LRBA: variants seen among roughly 807,000 people sequenced by gnomAD.
LRBA encodes the protein LPS responsive beige-like anchor protein, also known as lipopolysaccharide-responsive and beige-like anchor protein.
In LRBA, 176 loss-of-function variants were observed where a neutral mutation model predicts 330.0. The ratio of observed to expected loss-of-function variants is 0.53; its 90% CI spans 0.47 to 0.60. LRBA has a LOEUF of 0.60. Among genes scored for constraint, LRBA ranks in the 20% least tolerant of loss-of-function variants. The pLI is 0.00. For missense variants in LRBA, 3,259 were observed against 3,444.8 expected (o/e 0.95, Z 1.35); for synonymous variants, 1,230 against 1,193.0 (o/e 1.03, Z -0.64).
chr4:150,349,896 C>A, intron 48 of LRBA, 96 bp downstream of exon 48: 1 of 1,058,292 alleles, frequency 9.4e-7, no homozygotes, highest in African/African-American at 1.6e-5. Context: ...TCACTTTCTT[C>A]ATCACTAAAA....
rs550181104 is a variant in LRBA at position 150,590,815 on chromosome 4, T to C, written c.6091A>G (p.Ser2031Gly). ...GAGTTCTGATTTCCTAAAGCCTGAC[T>C]CCTGATGGACTGTTTTCCTTTAGCA... ...ILAKGKQSIR[S>G]QALGNQNSEN... The change falls in exon 39 of 57, where the codon AGT becomes GGT. Residue 2031 changes from serine to glycine, a missense_variant. By Grantham distance (56) the Ser-to-Gly change is moderately conservative. Transcript: ENST00000651943. The C allele has an allele frequency of 3.7e-6, 6 of 1,613,754 alleles. 1 individual carries two copies. In the South Asian group the frequency reaches 6.6e-5, roughly 18 times the overall value.
At chr4:150,497,381 T>C (rs926402762) in intron 40 of LRBA, among the ~76,000 whole-genome samples, 10 of 152,162 alleles carry the variant, frequency 6.6e-5, no homozygotes, top group Non-Finnish European at 5.9e-5. Context: ...CACAGTCGAC[T>C]CTGGTGGAAA....
intron 40 of LRBA, chr4:150,582,389 T>C (rs1771487521): frequency 6.7e-6 from 1 of 148,684 alleles, no homozygotes; most frequent in Non-Finnish European, 1.5e-5. Context: ...GCTGAGACTG[T>C]GGGGCGTCAG....
intron 10 of LRBA, 50 bp from the exon 11 acceptor site, chr4:150,908,517 A>G (rs1365356745): frequency 1.3e-6 from 2 of 1,535,968 alleles, no homozygotes; most frequent in Non-Finnish European, 1.8e-6. Flanking sequence ...TTTTTCCAAA[A>G]CAATTAAAAA....
intron 48 of LRBA, among the ~76,000 whole-genome samples, chr4:150,347,413 A>G (rs1333273732): frequency 2.0e-5 from 3 of 152,198 alleles, no homozygotes; most frequent in Non-Finnish European, 4.4e-5. Context: ...TGGGAGGCCA[A>G]GGGAGGCGGA....
chr4:150,621,119 G>A (rs72736353), intron 37 of LRBA, among the ~76,000 whole-genome samples: 9,697 of 151,666 alleles, frequency 0.064, 434 homozygotes, highest in Non-Finnish European at 0.1. Flanking sequence ...TAAAATAAAG[G>A]ATAAAGAGTG....
intron 8 of LRBA, 119 bp downstream of exon 8, chr4:150,915,489 T>C: frequency 1.2e-6 from 1 of 838,654 alleles, no homozygotes; most frequent in Non-Finnish European, 1.8e-6. Context: ...ATTATGTTTA[T>C]AAAAATCTAC....
intron 40 of LRBA, among the ~76,000 whole-genome samples, chr4:150,523,681 C>T (rs11931175): frequency 0.87 from 132,607 of 152,084 alleles, 58,652 homozygotes; most frequent in Non-Finnish European, 0.95. Flanking sequence ...ATTTTACCAC[C>T]GTCAAGTTAC....
intron 47 of LRBA, among the ~76,000 whole-genome samples, chr4:150,375,827 T>C (rs1286672286): frequency 6.6e-6 from 1 of 152,188 alleles, no homozygotes; most frequent in Non-Finnish European, 1.5e-5. Context: ...TTTCTCTTCT[T>C]GTTTTCTGAA....
intron 53 of LRBA, among the ~76,000 whole-genome samples, chr4:150,292,846 T>C (rs1051379669): frequency 7.9e-5 from 12 of 152,144 alleles, no homozygotes; most frequent in African/African-American, 2.9e-4. Context: ...CTGAAGTCCA[T>C]ACCACTTGTA....
intron 37 of LRBA, among the ~76,000 whole-genome samples, chr4:150,654,869 T>G (rs13109702): frequency 0.84 from 127,618 of 151,940 alleles, 55,305 homozygotes; most frequent in Non-Finnish European, 0.94. Context: ...CAAAGGACAT[T>G]AACTCATCCT....
At chr4:150,927,922 A>C (rs971331094) in intron 4 of LRBA, among the ~76,000 whole-genome samples, 20 of 152,212 alleles carry the variant, frequency 1.3e-4, no homozygotes, top group Non-Finnish European at 2.6e-4. Flanking sequence ...GCTGTGGGCA[A>C]TGATCTCTAA....
chr4:150,581,007 G>C (rs9993148), intron 40 of LRBA: 106,332 of 155,258 alleles, frequency 0.68, 36,333 homozygotes, highest in Admixed American at 0.71. Flanking sequence ...ACAACAGTAA[G>C]ATTTTAAGAA....
At chr4:150,932,595 A>G (rs1734633439) in intron 2 of LRBA, among the ~76,000 whole-genome samples, 1 of 152,168 alleles carries the variant, frequency 6.6e-6, no homozygotes, top group Admixed American at 6.5e-5. Context: ...ACTGTTGTTG[A>G]GGAAACAGGT....
chr4:150,302,766 G>A lies in LRBA; in HGVS notation c.7876C>T (p.His2626Tyr). The A allele has an allele frequency of 6.2e-7, 1 of 1,604,900 alleles. No individual in the cohort carries two copies. Among genetic ancestry groups the A allele is most frequent in the Non-Finnish European group, 8.5e-7 (1 of 1,175,374 alleles). The change falls in exon 53 of 57, where the codon CAT (histidine) becomes TAT (tyrosine). Residue 2626 changes from histidine to tyrosine, a missense_variant. Coordinates refer to ENST00000651943, the MANE Select transcript of LRBA (RefSeq NM_001364905.1). ...TGRLIQVVFG[H>Y]WDVVTCLARS... ...GCAAGGCAAGTGACGACATCCCAAT[G>A]GCCAAACACCACTTGGATCAATCTT... is the stretch of plus-strand genomic sequence containing the variant.
At chr4:150,419,063 G>C (rs1378547865) in intron 46 of LRBA, among the ~76,000 whole-genome samples, 1 of 152,170 alleles carries the variant, frequency 6.6e-6, no homozygotes, top group African/African-American at 2.4e-5. Context: ...TGCCCATACA[G>C]TGCCTCTATG....
In LRBA at chr4:150,896,481, T is replaced by C. The variant is rs142710443; in HGVS notation, c.2005-25A>G. ...CCTTCAAAAACATAATACAGGTATC[T>C]TACGTTTACATGTAAAAAAATGTTT... is the stretch of plus-strand genomic sequence containing the variant. On this transcript the variant is annotated intron_variant, in intron 15 of 56. Coordinates refer to ENST00000651943, the MANE Select transcript of LRBA (RefSeq NM_001364905.1). The C allele has an allele frequency of 2.4e-6, 3 of 1,252,068 alleles. No homozygotes were observed. The East Asian group carries it at 7.3e-5, about 31-fold the overall frequency. The allele number at this position is 1,252,068 out of a possible 1,614,324, so 77.6% of individuals were successfully genotyped here.
chr4:150,479,933 T>A (rs764780749), intron 42 of LRBA, among the ~76,000 whole-genome samples: 4 of 152,168 alleles, frequency 2.6e-5, no homozygotes, highest in Non-Finnish European at 5.9e-5. Context: ...CTAGCTGATG[T>A]TTGTGCATTC....
chr4:150,491,654 A>T (rs1327962729), intron 40 of LRBA, among the ~76,000 whole-genome samples: 1 of 152,062 alleles, frequency 6.6e-6, no homozygotes, highest in Non-Finnish European at 1.5e-5. Flanking sequence ...TAATCTCCCT[A>T]TGGGGTAGGT....
Sources: allele counts gnomAD v4.1 joint callset (sites outside exome capture counted in the v4.1 genomes callset), GRCh38; gene constraint gnomAD v4.1.1; transcripts MANE v1.5; gene names NCBI Gene and HGNC (gene_info 2026-07-23, HGNC 2026-07-21).